SGK3: variants seen among roughly 807,000 people sequenced by gnomAD.
SGK3 encodes serine/threonine-protein kinase Sgk3.
A neutral mutation model predicts 68.5 loss-of-function variants in SGK3; 47 were observed. That is an observed-to-expected ratio of 0.69 (90% CI 0.54 to 0.87). The LOEUF is 0.87. Ranked by LOEUF, SGK3 falls within the 40% of genes least tolerant of loss-of-function variation. The probability of loss-of-function intolerance (pLI) is 0.00; values close to 1 mark genes in which losing one functional copy is unlikely to be tolerated. For missense variants in SGK3, 479 were observed against 575.5 expected, an observed-to-expected ratio of 0.83 and a Z score of 1.72; for synonymous variants, 181 against 189.1, an observed-to-expected ratio of 0.96 and a Z score of 0.35.
intron 8 of SGK3, among the ~76,000 whole-genome samples, chr8:66,833,979 C>T (rs113452237): frequency 0.018 from 2,746 of 152,316 alleles, 81 homozygotes; most frequent in African/African-American, 0.061. Context: ...GCGTGAGCCA[C>T]CACACCCAGC....
chr8:66,745,127 C>T (rs1805617172), intron 1 of SGK3, among the ~76,000 whole-genome samples: 1 of 151,830 alleles, frequency 6.6e-6, no homozygotes, highest in African/African-American at 2.4e-5. Flanking sequence ...TTGTCTATTC[C>T]TAGCATTCTA....
chr8:66,774,899 T>G (rs1806632715), intron 1 of SGK3, among the ~76,000 whole-genome samples: 1 of 152,124 alleles, frequency 6.6e-6, no homozygotes, highest in Non-Finnish European at 1.5e-5. Context: ...TGTTTTGAGA[T>G]CTACACTTTA....
At chr8:66,723,131 A>ATATATATATTT (rs1554591219) in intron 1 of SGK3, among the ~76,000 whole-genome samples, 1 of 29,496 alleles carries the variant, frequency 3.4e-5, no homozygotes, top group East Asian at 1.7e-3. Flanking sequence ...ATATATATAT[A>ATATATATATTT]TTTTTTTTTT....
At chr8:66,834,296 GAGAC>G (rs1455020204) in intron 8 of SGK3, among the ~76,000 whole-genome samples, 1 of 151,722 alleles carries the variant, frequency 6.6e-6, no homozygotes, top group African/African-American at 2.4e-5. Flanking sequence ...TGAAAGAATT[GAGAC>G]AGACAGCTTT....
chr8:66,720,795 A>ATATATATATATATATATATATATATATAT (rs1554590881), intron 1 of SGK3, among the ~76,000 whole-genome samples: 2 of 150,766 alleles, frequency 1.3e-5, no homozygotes, highest in African/African-American at 4.9e-5. Flanking sequence ...ATATATATAT[A>ATATATATATATATATATATATATATATAT]ATTAGCCAGG....
At chr8:66,817,170 C>T (rs1244570994) in intron 5 of SGK3, among the ~76,000 whole-genome samples, 2 of 151,960 alleles carry the variant, frequency 1.3e-5, no homozygotes, top group Non-Finnish European at 2.9e-5. Flanking sequence ...CAGTGGCTCA[C>T]GCCTGTAATC....
chr8:66,800,398 T>A (rs1251348400), intron 3 of SGK3, among the ~76,000 whole-genome samples: 35 of 144,890 alleles, frequency 2.4e-4, no homozygotes, highest in South Asian at 6.5e-4. Context: ...TTTTTTTTTT[T>A]ATTATACTTT....
chr8:66,814,171 ATAAAT>A (rs1226715758), intron 5 of SGK3, among the ~76,000 whole-genome samples: 3 of 152,162 alleles, frequency 2.0e-5, no homozygotes, highest in East Asian at 3.9e-4. Context: ...AATTTGCATA[ATAAAT>A]TAAAGCATCT....
At chr8:66,846,826 G>A (rs1248328253) in intron 14 of SGK3, among the ~76,000 whole-genome samples, 1 of 152,088 alleles carries the variant, frequency 6.6e-6, no homozygotes, top group Non-Finnish European at 1.5e-5. Context: ...TTATTCCCAA[G>A]TCTGAAATTA....
chr8:66,735,131 A>G (rs1805282565), intron 1 of SGK3, among the ~76,000 whole-genome samples: 1 of 152,210 alleles, frequency 6.6e-6, no homozygotes, highest in African/African-American at 2.4e-5. Context: ...AGGAAAAAAC[A>G]TAGTCTATGT....
At chr8:66,723,409 A>G (rs1804882321) in intron 1 of SGK3, among the ~76,000 whole-genome samples, 1 of 151,484 alleles carries the variant, frequency 6.6e-6, no homozygotes, top group African/African-American at 2.4e-5. Flanking sequence ...ACGCCATTGC[A>G]CTCCAGCCTG....
intron 1 of SGK3, among the ~76,000 whole-genome samples, chr8:66,779,561 AATATATATAT>A (rs200618083): frequency 0.052 from 4,606 of 89,366 alleles, 130 homozygotes; most frequent in Non-Finnish European, 0.062. Flanking sequence ...TATGTGTGTG[AATATATATAT>A]ATATATATAT....
intron 1 of SGK3, among the ~76,000 whole-genome samples, chr8:66,781,189 G>A (rs557654737): frequency 6.6e-6 from 1 of 152,292 alleles, no homozygotes; most frequent in East Asian, 1.9e-4. Flanking sequence ...AGGCATTCTG[G>A]TGGTTGGGAA....
chr8:66,825,832 G>T (rs1809031437), intron 6 of SGK3, among the ~76,000 whole-genome samples: 1 of 152,120 alleles, frequency 6.6e-6, no homozygotes, highest in Admixed American at 6.5e-5. Flanking sequence ...TGTCTAATTC[G>T]ATATCCTAAT....
At chr8:66,829,777 A>C (rs894860444) in intron 7 of SGK3, among the ~76,000 whole-genome samples, 1 of 152,240 alleles carries the variant, frequency 6.6e-6, no homozygotes, top group African/African-American at 2.4e-5. Context: ...AAAGGAAAGC[A>C]AATAAATACG....
chr8:66,771,257 A>C (rs1026792487), intron 1 of SGK3, among the ~76,000 whole-genome samples: 1 of 151,654 alleles, frequency 6.6e-6, no homozygotes, highest in Non-Finnish European at 1.5e-5. Context: ...AGTCTATTTA[A>C]TGCTTCTTAA....
intron 1 of SGK3, among the ~76,000 whole-genome samples, chr8:66,782,527 G>T (rs1417919453): frequency 6.6e-6 from 1 of 152,098 alleles, no homozygotes; most frequent in East Asian, 1.9e-4. Flanking sequence ...TTCACTCCTG[G>T]TGTTGTACAT....
chr8:66,768,156 G>A (rs1037253216), intron 1 of SGK3, among the ~76,000 whole-genome samples: 1 of 152,080 alleles, frequency 6.6e-6, no homozygotes, highest in Non-Finnish European at 1.5e-5. Context: ...TCTAATGCTA[G>A]CTTTTATAAT....
At chr8:66,822,166 T>C (rs1053938727) in intron 5 of SGK3, among the ~76,000 whole-genome samples, 4 of 152,074 alleles carry the variant, frequency 2.6e-5, no homozygotes, top group African/African-American at 9.7e-5. Context: ...CCTGTTTATA[T>C]GTTTGCCCAT....
Sources: allele counts gnomAD v4.1 joint callset (sites outside exome capture counted in the v4.1 genomes callset), GRCh38; gene constraint gnomAD v4.1.1; transcripts MANE v1.5; gene names NCBI Gene and HGNC (gene_info 2026-07-23, HGNC 2026-07-21).